Variants in LRRC7 observed in about 807,000 individuals in gnomAD.
The protein encoded by LRRC7 is leucine-rich repeat-containing protein 7.
A neutral mutation model predicts 175.7 loss-of-function variants in LRRC7; 23 were observed. The observed-to-expected ratio is 0.13, with a 90% confidence interval of 0.09 to 0.19. The LOEUF (loss-of-function observed/expected upper bound fraction) is 0.19, where lower values mean the gene tolerates loss of function less well. Ranked by LOEUF, LRRC7 falls within the 10% of genes least tolerant of loss-of-function variation. The probability of loss-of-function intolerance (pLI) is 1.00; values close to 1 mark genes in which losing one functional copy is unlikely to be tolerated. For missense variants in LRRC7, 1,354 were observed against 1,904.7 expected, an observed-to-expected ratio of 0.71 and a Z score of 5.38; for synonymous variants, 685 against 680.9, an observed-to-expected ratio of 1.01 and a Z score of -0.09.
chr1:69,615,903 C>T (rs556699698), intron 1 of LRRC7, among the ~76,000 whole-genome samples: 7 of 152,012 alleles, frequency 4.6e-5, no homozygotes, highest in Admixed American at 1.3e-4. Flanking sequence ...CCCCCACTTA[C>T]GCCCCACCAT....
chr1:69,638,660 A>G (rs1653753605), intron 1 of LRRC7, among the ~76,000 whole-genome samples: 1 of 151,934 alleles, frequency 6.6e-6, no homozygotes, highest in East Asian at 1.9e-4. Flanking sequence ...TAAATAAATT[A>G]TCTAATTTTA....
At position 70,142,852 on chromosome 1, in the gene LRRC7, G is replaced by GGTTT. The variant is rs1485671700; in HGVS notation, c.*20969_*20972dup. 2 of 151,968 alleles carry GGTTT rather than the reference G, an allele frequency of 1.3e-5. No homozygotes were observed. Among genetic ancestry groups the GGTTT allele is most frequent in the East Asian group, 1.9e-4 (1 of 5,172 alleles). The allele number at this position is 151,968 out of a possible 1,614,324, so 9.4% of individuals were successfully genotyped here. Reference sequence around the variant, plus strand: ...GGAAGACAGTGGTAGGTTTTCAGATGGTTTGTTAAGAATTATATGTAAAAG... The same window carrying GGTTT: ...GGAAGACAGTGGTAGGTTTTCAGATGGTTTGTTTGTTAAGAATTATATGTAAAAG... On this transcript the variant is annotated 3_prime_UTR_variant, in exon 27 of 27. Transcript: ENST00000651989.
chr1:70,095,048 T>C lies in LRRC7; in HGVS notation c.4545+5229T>C, dbSNP rs146985800. 3.1e-3 allele frequency among the ~76,000 whole-genome samples: 473 copies of C among 152,316 alleles called. 1 individual carries two copies. The highest frequency in any genetic ancestry group is 0.01 in the African/African-American group (424 of 41,588). On this transcript the variant is annotated intron_variant, in intron 25 of 26. Coordinates refer to ENST00000651989, the MANE Select transcript of LRRC7 (RefSeq NM_001370785.2). ...TAACTTTGTGCAGCTACTAGACAAA[T>C]ACAATTTATTGTATATGTTTCTAAA...
At chr1:70,077,380 G>A (rs1252980797) in intron 24 of LRRC7, among the ~76,000 whole-genome samples, 1 of 152,102 alleles carries the variant, frequency 6.6e-6, no homozygotes, top group East Asian at 1.9e-4. Flanking sequence ...CCAGACAGGT[G>A]CCTTTAATCA....
intron 3 of LRRC7, among the ~76,000 whole-genome samples, chr1:69,766,315 G>A (rs1671618362): frequency 6.6e-6 from 1 of 152,104 alleles, no homozygotes. Flanking sequence ...TTGCTCTAAT[G>A]AACAGAAGAC....
intron 24 of LRRC7, among the ~76,000 whole-genome samples, chr1:70,082,681 T>C (rs865855789): frequency 6.6e-6 from 1 of 151,678 alleles, no homozygotes; most frequent in Admixed American, 6.6e-5. Flanking sequence ...TGCATTTGAG[T>C]TTCTGTTTCC....
chr1:70,025,564 C>A (rs527621066), intron 17 of LRRC7, among the ~76,000 whole-genome samples: 1 of 152,120 alleles, frequency 6.6e-6, no homozygotes, highest in East Asian at 1.9e-4. Context: ...TACAGATTTT[C>A]CAAGAACTTT....
chr1:69,757,624 T>A (rs1670574332), intron 2 of LRRC7, among the ~76,000 whole-genome samples: 1 of 151,938 alleles, frequency 6.6e-6, no homozygotes, highest in Non-Finnish European at 1.5e-5. Context: ...TGGTAGACAG[T>A]GGACACTGGC....
At chr1:70,116,893 C>T (rs1046370771) in intron 26 of LRRC7, among the ~76,000 whole-genome samples, 2 of 152,144 alleles carry the variant, frequency 1.3e-5, no homozygotes, top group African/African-American at 4.8e-5. Flanking sequence ...TGAGGATTAT[C>T]TGAGATTCCT....
At chr1:69,930,791 C>T (rs746410644) in intron 7 of LRRC7, among the ~76,000 whole-genome samples, 88 of 152,096 alleles carry the variant, frequency 5.8e-4, no homozygotes, top group African/African-American at 1.9e-3. Flanking sequence ...TGGCAGCAGG[C>T]GAGAGAGAAC....
At chr1:69,679,543 A>G (rs142890397) in intron 2 of LRRC7, among the ~76,000 whole-genome samples, 1 of 152,224 alleles carries the variant, frequency 6.6e-6, no homozygotes, top group East Asian at 1.9e-4. Flanking sequence ...TGGTAGATTT[A>G]TGGCTTATAA....
chr1:69,630,240 T>A (rs1422977384), intron 1 of LRRC7, among the ~76,000 whole-genome samples: 1 of 152,166 alleles, frequency 6.6e-6, no homozygotes, highest in Non-Finnish European at 1.5e-5. Flanking sequence ...TATAATCTAT[T>A]TCTCTGCTAT....
intron 1 of LRRC7, among the ~76,000 whole-genome samples, chr1:69,576,970 G>A (rs564251105): frequency 1.2e-4 from 18 of 152,116 alleles, no homozygotes; most frequent in African/African-American, 3.4e-4. Flanking sequence ...TTTAATGAGC[G>A]GTTATTTACA....
chr1:70,038,034 C>G (rs1659482835), intron 20 of LRRC7, 79 bp from the exon 21 acceptor site: 1 of 1,504,194 alleles, frequency 6.6e-7, no homozygotes, highest in Non-Finnish European at 8.9e-7. Context: ...GATGATGGCC[C>G]TCTTTGCTGC....
intron 11 of LRRC7, among the ~76,000 whole-genome samples, chr1:70,000,895 TATAGATTTAGATTTAA>T (rs2101927437): frequency 6.6e-6 from 1 of 152,336 alleles, no homozygotes; most frequent in South Asian, 2.1e-4. Context: ...ATAACAAGGC[TATAGATTTAGATTTAA>T]ATATATCTTC....
chr1:69,855,802 G>T (rs371713685), intron 7 of LRRC7, among the ~76,000 whole-genome samples: 2 of 152,150 alleles, frequency 1.3e-5, no homozygotes, highest in East Asian at 1.9e-4. Flanking sequence ...TTATGAATCT[G>T]GGTGCTCCTG....
intron 1 of LRRC7, among the ~76,000 whole-genome samples, chr1:69,606,561 T>C (rs1319276766): frequency 1.3e-5 from 2 of 152,094 alleles, no homozygotes; most frequent in Non-Finnish European, 2.9e-5. Context: ...CTAAAACAAA[T>C]AGTTTTAAAT....
At chr1:70,086,744 T>C (rs2102159271) in intron 24 of LRRC7, among the ~76,000 whole-genome samples, 1 of 152,102 alleles carries the variant, frequency 6.6e-6, no homozygotes, top group East Asian at 1.9e-4. Flanking sequence ...CTCAAAAAAA[T>C]AAAAAATAAA....
chr1:69,969,069 C>T (rs540548625), intron 8 of LRRC7, among the ~76,000 whole-genome samples: 117 of 152,120 alleles, frequency 7.7e-4, no homozygotes, highest in Middle Eastern at 3.4e-3. Flanking sequence ...CTGCCCACCT[C>T]GACCTCCCAA....
Sources: allele counts gnomAD v4.1 joint callset (sites outside exome capture counted in the v4.1 genomes callset), GRCh38; gene constraint gnomAD v4.1.1; transcripts MANE v1.5; gene names NCBI Gene and HGNC (gene_info 2026-07-23, HGNC 2026-07-21).